Variants in BSDC1 observed in about 807,000 individuals in gnomAD.
BSDC1 encodes the protein BSD domain containing 1.
BSDC1 carries 29 observed loss-of-function variants against 56.0 expected under a neutral mutation model. That is an observed-to-expected ratio of 0.52 (90% confidence interval 0.39 to 0.71). The LOEUF (loss-of-function observed/expected upper bound fraction) is 0.71, where lower values mean the gene tolerates loss of function less well. BSDC1 is among the 30% of genes least tolerant of loss of function. The probability of loss-of-function intolerance (pLI) is 0.00; values close to 1 mark genes in which losing one functional copy is unlikely to be tolerated. For synonymous variants in BSDC1, 210 were observed against 215.3 expected, an observed-to-expected ratio of 0.98 and a Z score of 0.21; for missense variants, 477 against 548.5, an observed-to-expected ratio of 0.87 and a Z score of 1.30.
At chr1:32,391,837 TG>T (rs1296405954) in intron 2 of BSDC1, among the ~76,000 whole-genome samples, 1 of 152,106 alleles carries the variant, frequency 6.6e-6, no homozygotes, top group African/African-American at 2.4e-5. Context: ...AAAAACGAAC[TG>T]GGGGTGGTAT....
intron 9 of BSDC1, among the ~76,000 whole-genome samples, chr1:32,370,222 C>A (rs1490562536): frequency 2.0e-5 from 3 of 152,212 alleles, no homozygotes; most frequent in African/African-American, 7.2e-5. Context: ...AGGTGATCCG[C>A]CTGCTTTGAC....
intron 8 of BSDC1, 62 bp from the exon 9 acceptor site, chr1:32,376,803 T>C (rs995129909): frequency 7.6e-7 from 1 of 1,322,026 alleles, no homozygotes; most frequent in Non-Finnish European, 9.7e-7. Context: ...TAAGACAACC[T>C]TGGAGCTCTC....
Position 32,394,155 on chromosome 1 carries a change from C to T in BSDC1, c.12-15G>A, listed in dbSNP as rs1482935550. 3 of 1,606,382 alleles carry T rather than the reference C, an allele frequency of 1.9e-6. No individual in the cohort carries two copies. Among genetic ancestry groups the T allele is most frequent in the East Asian group, 4.5e-5 (2 of 44,396 alleles). On this transcript the variant is annotated splice_polypyrimidine_tract_variant and intron_variant, in intron 1 of 10. Coordinates refer to ENST00000455895, the MANE Select transcript of BSDC1 (RefSeq NM_018045.8). ...CCACGTCCTCCCTGTGGAAGACAGA[C>T]ACATCTGGCAGCACCGCGGTGCGAT...
At chr1:32,385,071 A>G (rs1446759212) in intron 3 of BSDC1, among the ~76,000 whole-genome samples, 3 of 152,196 alleles carry the variant, frequency 2.0e-5, no homozygotes, top group Admixed American at 6.5e-5. Flanking sequence ...TAATTACAAG[A>G]TAATTGATTC....
Position 32,378,969 on chromosome 1 carries a change from G to A in BSDC1, c.413-130C>T, listed in dbSNP as rs1239036068. 2.1e-5 allele frequency: 12 copies of A among 570,564 alleles called. No individual in the cohort carries two copies. The South Asian group carries it at 4.8e-4, about 23-fold the overall frequency. The allele number at this position is 570,564 out of a possible 1,614,324, so 35.3% of individuals were successfully genotyped here. A position where few individuals can be genotyped will look rare whatever the true frequency, so the allele number is the denominator to read the frequency against. ...TGTATTCAAAGCCACTTAGCCAAGG[G>A]TAGGGGGTCAGGCAGGGTGAAGGGG... On this transcript the variant is annotated intron_variant, in intron 5 of 10. Coordinates refer to ENST00000455895, the MANE Select transcript of BSDC1 (RefSeq NM_018045.8). This position sits in a 1 kb window ranked among gnomAD's most constrained non-coding sequence, Gnocchi z 5.2.
rs1642370927 is a variant in BSDC1 at position 32,378,427 on chromosome 1, C to T, written c.529-144G>A. 7.3e-6 allele frequency: 6 copies of T among 821,758 alleles called. No individual in the cohort carries two copies. The East Asian group carries it at 1.3e-4, about 18-fold the overall frequency. The allele number at this position is 821,758 out of a possible 1,614,324, so 50.9% of individuals were successfully genotyped here. A position where few individuals can be genotyped will look rare whatever the true frequency, so the allele number is the denominator to read the frequency against. ...AGTGACAGTCAGAGCACTTCCACCC[C>T]CACCAAAGTTTCAGCCAGACCCACC... On this transcript the variant is annotated intron_variant, in intron 6 of 10. Transcript: ENST00000455895. This position sits in a 1 kb window ranked among gnomAD's most constrained non-coding sequence, Gnocchi z 5.2.
intron 9 of BSDC1, chr1:32,369,371 G>A: frequency 1.8e-6 from 2 of 1,140,166 alleles, no homozygotes; most frequent in African/African-American, 3.2e-5. Context: ...GCCAGGCATG[G>A]TAGTACACAC....
At chr1:32,382,698 A>C (rs993620043) in intron 4 of BSDC1, among the ~76,000 whole-genome samples, 3 of 120,742 alleles carry the variant, frequency 2.5e-5, no homozygotes, top group East Asian at 2.2e-4. Context: ...TCATCGCTAC[A>C]AAAAAAAAAA....
At chr1:32,370,620 G>T (rs1430453727) in intron 9 of BSDC1, among the ~76,000 whole-genome samples, 1 of 151,558 alleles carries the variant, frequency 6.6e-6, no homozygotes, top group East Asian at 2.0e-4. Context: ...TGGCTAATGT[G>T]GTGAAACCCC....
chr1:32,380,946 G>C (rs1642459802), intron 5 of BSDC1, among the ~76,000 whole-genome samples: 1 of 152,154 alleles, frequency 6.6e-6, no homozygotes, highest in African/African-American at 2.4e-5. Flanking sequence ...AGAAGGCAAG[G>C]GGGGCAGCAG....
intron 1 of BSDC1, 48 bp downstream of exon 1, chr1:32,394,356 C>A: frequency 1.2e-6 from 2 of 1,614,168 alleles, no homozygotes; most frequent in South Asian, 1.1e-5. Flanking sequence ...CACCCCAACC[C>A]TGGGAGAATT....
At position 32,366,181 on chromosome 1, in the gene BSDC1, G is replaced by A; in HGVS notation, c.*441C>T. 4.2e-6 allele frequency: 1 copy of A among 239,444 alleles called. No individual in the cohort carries two copies. The highest frequency in any genetic ancestry group is 8.5e-6 in the Non-Finnish European group (1 of 118,036). 14.8% of individuals were successfully genotyped at this position (239,444 alleles called of 1,614,324 possible). ...TGTCCCTGTTTAGCCAAGGGTAGGTGGCATGGCCCTCCCTGCCTGCTTATG... is the reference window on the plus strand; with the variant it reads ...TGTCCCTGTTTAGCCAAGGGTAGGTAGCATGGCCCTCCCTGCCTGCTTATG... On this transcript the variant is annotated 3_prime_UTR_variant, in exon 11 of 11. Transcript: ENST00000455895.
Position 32,386,846 on chromosome 1 carries a change from T to C in BSDC1, c.122A>G (p.Gln41Arg). ...FMKRDLTEFT[Q>R]VVQHDTACTI... ...ACAGGCCGTGTCATGCTGCACCACC[T>C]GGGTAAACTCCGTCAGGTCCCGCTT... is the stretch of plus-strand genomic sequence containing the variant. The change falls in exon 3 of 11, where the codon CAG (glutamine) becomes CGG (arginine). Residue 41 changes from glutamine to arginine, a missense_variant. Coordinates refer to ENST00000455895, the MANE Select transcript of BSDC1 (RefSeq NM_018045.8). The C allele has an allele frequency of 6.2e-7, 1 of 1,612,360 alleles. No homozygotes were observed. Among genetic ancestry groups the C allele is most frequent in the Admixed American group, 1.7e-5 (1 of 60,030 alleles).
intron 9 of BSDC1, among the ~76,000 whole-genome samples, chr1:32,375,438 G>C (rs535701463): frequency 1.4e-4 from 21 of 151,788 alleles, no homozygotes; most frequent in African/African-American, 4.1e-4. Flanking sequence ...GGGACTGGAG[G>C]GGGGGTTCTT....
intron 2 of BSDC1, among the ~76,000 whole-genome samples, chr1:32,392,698 G>A (rs1418732511): frequency 6.6e-6 from 1 of 152,172 alleles, no homozygotes; most frequent in East Asian, 1.9e-4. Flanking sequence ...AAACAGCTCA[G>A]GGCATTCTCA....
Position 32,386,802 on chromosome 1 carries a change from T to C in BSDC1, c.166A>G (p.Ser56Gly). ...DTACTIAATASVVKEKLATEG... is the reference protein window; with the variant it reads ...DTACTIAATAGVVKEKLATEG... ...ACAGCCAGCTTCTCCTTGACCACGC[T>C]GGCCGTGGCTGCGATGGTACAGGCC... is the stretch of plus-strand genomic sequence containing the variant. Residue 56 changes from serine (S) to glycine (G), a missense_variant, in exon 3 of 11, where the codon AGC (serine) becomes GGC (glycine). Ser to Gly is a moderately conservative substitution (Grantham distance 56). Coordinates refer to ENST00000455895, the MANE Select transcript of BSDC1 (RefSeq NM_018045.8). 1 of 1,612,852 alleles carries C rather than the reference T, an allele frequency of 6.2e-7. No homozygotes were observed. The highest frequency in any genetic ancestry group is 1.1e-5 in the South Asian group (1 of 91,020).
chr1:32,377,844 C>A (rs1557644420), intron 8 of BSDC1, 126 bp downstream of exon 8: 3 of 827,746 alleles, frequency 3.6e-6, no homozygotes, highest in Non-Finnish European at 5.6e-6. Flanking sequence ...CTCACACATA[C>A]AATGTGCTTG....
At position 32,368,452 on chromosome 1, in the gene BSDC1, C is replaced by T. The variant is rs766793778; in HGVS notation, c.1255G>A (p.Gly419Arg). The T allele has an allele frequency of 6.2e-6, 10 of 1,614,134 alleles. No homozygotes were observed. Among genetic ancestry groups the T allele is most frequent in the East Asian group, 4.5e-5 (2 of 44,874 alleles). Residue 419 changes from glycine to arginine, a missense_variant, in exon 10 of 11, where the codon GGG (glycine) becomes AGG (arginine). Gly to Arg is a moderately radical substitution (Grantham distance 125, BLOSUM62 -2). Coordinates refer to ENST00000455895, the MANE Select transcript of BSDC1 (RefSeq NM_018045.8). ...QMALSKVDAS[G>R]ELEDVEWEDW... is the part of the protein sequence containing the mutation. ...GACCCACCAGGCCCACTCACCTCCC[C>T]GGAGGCATCCACTTTGGAAAGTGCC...
intron 9 of BSDC1, among the ~76,000 whole-genome samples, chr1:32,371,004 CTG>C (rs955446776): frequency 1.1e-4 from 17 of 152,120 alleles, no homozygotes; most frequent in African/African-American, 4.1e-4. Flanking sequence ...TGATGCCTGT[CTG>C]TACTATTTGA....
Sources: gnomAD v4.1 joint callset for allele counts (sites outside exome capture counted in the v4.1 genomes callset) on GRCh38, gnomAD v4.1.1 for gene constraint, Gnocchi (gnomAD v3.1) non-coding constraint, MANE v1.5 for transcripts, NCBI Gene and HGNC (gene_info 2026-07-23, HGNC 2026-07-21) for gene names.